CNTN5: variants seen among roughly 807,000 people sequenced by gnomAD.
CNTN5 encodes contactin 5.
In CNTN5, 77 loss-of-function variants were observed where a neutral mutation model predicts 129.1. The ratio of observed to expected loss-of-function variants is 0.60; its 90% CI spans 0.50 to 0.72. The LOEUF (loss-of-function observed/expected upper bound fraction) is 0.72. Ranked by LOEUF, CNTN5 falls within the 30% of genes least tolerant of loss-of-function variation. CNTN5 has a pLI of 0.00. For synonymous variants in CNTN5, 509 were observed against 465.6 expected (o/e 1.09, Z -1.20); for missense variants, 1,478 against 1,328.8 (o/e 1.11, Z -1.75).
chr11:99,688,592 CTTTTTA>C (rs1953898403), intron 3 of CNTN5, among the ~76,000 whole-genome samples: 1 of 151,892 alleles, frequency 6.6e-6, no homozygotes, highest in Admixed American at 6.6e-5. Flanking sequence ...TGTTTTTTAA[CTTTTTA>C]TTATTATTTT....
chr11:99,133,145 A>G (rs1307786648), intron 1 of CNTN5, among the ~76,000 whole-genome samples: 2 of 152,118 alleles, frequency 1.3e-5, no homozygotes, highest in African/African-American at 4.8e-5. Flanking sequence ...GACAGAAACA[A>G]ACAGTGAGGA....
At chr11:99,584,371 C>T (rs1237423888) in intron 3 of CNTN5, among the ~76,000 whole-genome samples, 2 of 152,180 alleles carry the variant, frequency 1.3e-5, no homozygotes, top group Non-Finnish European at 2.9e-5. Flanking sequence ...GCTTCTCATG[C>T]TGTTGGCCAC....
chr11:99,324,340 C>T (rs981422913), intron 1 of CNTN5, among the ~76,000 whole-genome samples: 2 of 152,046 alleles, frequency 1.3e-5, no homozygotes, highest in African/African-American at 4.8e-5. Flanking sequence ...ATATTCCTTA[C>T]CTTGATTATG....
At chr11:100,046,563 TTTCTCCATAG>T (rs1381255668) in intron 9 of CNTN5, among the ~76,000 whole-genome samples, 1 of 152,186 alleles carries the variant, frequency 6.6e-6, no homozygotes, top group Non-Finnish European at 1.5e-5. Flanking sequence ...GTTTTTAAGA[TTTCTCCATAG>T]TGTTCAAGGT....
intron 8 of CNTN5, among the ~76,000 whole-genome samples, chr11:100,001,201 A>T (rs10466546): frequency 5.3e-5 from 8 of 152,124 alleles, no homozygotes; most frequent in Non-Finnish European, 8.8e-5. Flanking sequence ...ACTTACAATT[A>T]TGATGGAAGG....
At chr11:99,586,632 C>T (rs552047471) in intron 3 of CNTN5, among the ~76,000 whole-genome samples, 6 of 152,200 alleles carry the variant, frequency 3.9e-5, no homozygotes, top group African/African-American at 7.2e-5. Flanking sequence ...ATTAATATTA[C>T]GACTATACTG....
At chr11:100,329,786 CA>C (rs1441015696) in intron 21 of CNTN5, among the ~76,000 whole-genome samples, 1 of 152,190 alleles carries the variant, frequency 6.6e-6, no homozygotes, top group Non-Finnish European at 1.5e-5. Context: ...GAGAACACCA[CA>C]TCAAGGGAGC....
chr11:100,156,440 C>T (rs980781675), intron 13 of CNTN5, among the ~76,000 whole-genome samples: 4 of 152,106 alleles, frequency 2.6e-5, no homozygotes, highest in African/African-American at 7.2e-5. Context: ...CGACGTTCAT[C>T]AGGGATATCG....
Position 99,901,912 on chromosome 11 carries a change from A to T in CNTN5, c.578-14142A>T, listed in dbSNP as rs1949368049. 2.0e-5 allele frequency among the ~76,000 whole-genome samples: 3 copies of T among 152,192 alleles called. No individual in the cohort carries two copies. The South Asian group carries it at 6.2e-4, about 31-fold the overall frequency. Reference sequence around the variant, plus strand: ...TAAGGTCTGTTTTTGGATAAAATGCAAGCGTTATCCCCTGACAATCATTTT... The same window carrying T: ...TAAGGTCTGTTTTTGGATAAAATGCTAGCGTTATCCCCTGACAATCATTTT... On this transcript the variant is annotated intron_variant, in intron 6 of 24. Coordinates refer to ENST00000524871, the MANE Select transcript of CNTN5 (RefSeq NM_014361.4).
At chr11:99,869,017 A>G (rs187749620) in intron 6 of CNTN5, among the ~76,000 whole-genome samples, 4 of 152,306 alleles carry the variant, frequency 2.6e-5, no homozygotes, top group Non-Finnish European at 4.4e-5. Flanking sequence ...TGTGACTGGT[A>G]ATCACCCCTA....
At chr11:99,256,383 A>G (rs1862377702) in intron 1 of CNTN5, among the ~76,000 whole-genome samples, 3 of 152,108 alleles carry the variant, frequency 2.0e-5, no homozygotes. Flanking sequence ...TGTTTGATAG[A>G]ACTGCCAAAA....
At chr11:99,566,356 G>A (rs1949005589) in intron 3 of CNTN5, among the ~76,000 whole-genome samples, 1 of 152,148 alleles carries the variant, frequency 6.6e-6, no homozygotes. Context: ...GCAGAACTGT[G>A]AGCCAATTAA....
chr11:100,144,425 C>T (rs1372181693), intron 13 of CNTN5, among the ~76,000 whole-genome samples: 1 of 152,052 alleles, frequency 6.6e-6, no homozygotes, highest in African/African-American at 2.4e-5. Context: ...ATCTTTATGT[C>T]TGTGTGTACC....
intron 3 of CNTN5, among the ~76,000 whole-genome samples, chr11:99,587,332 A>G (rs1320824348): frequency 6.6e-6 from 1 of 152,240 alleles, no homozygotes; most frequent in Admixed American, 6.5e-5. Context: ...AAGAAAGTAT[A>G]CATGTGGAGG....
intron 16 of CNTN5, among the ~76,000 whole-genome samples, chr11:100,247,258 A>C (rs1949860029): frequency 6.6e-6 from 1 of 152,208 alleles, no homozygotes; most frequent in Admixed American, 6.6e-5. Context: ...AGGAATGGGC[A>C]GAAGGATAGA....
intron 3 of CNTN5, among the ~76,000 whole-genome samples, chr11:99,791,120 T>C (rs1945726569): frequency 6.6e-6 from 1 of 152,058 alleles, no homozygotes; most frequent in Non-Finnish European, 1.5e-5. Context: ...TAGTTTTTTT[T>C]TTTCCTGTGT....
chr11:99,425,873 C>T (rs1304852875), intron 2 of CNTN5, among the ~76,000 whole-genome samples: 1 of 152,246 alleles, frequency 6.6e-6, no homozygotes, highest in African/African-American at 2.4e-5. Context: ...CCACTGCAGC[C>T]AGTGTCTTCA....
At chr11:100,179,380 T>C (rs1010413433) in intron 13 of CNTN5, among the ~76,000 whole-genome samples, 13 of 152,132 alleles carry the variant, frequency 8.5e-5, no homozygotes, top group Admixed American at 2.0e-4. Context: ...AGAAAACTTC[T>C]ATGGAATAAA....
chr11:99,954,193 A>G (rs958746322), intron 7 of CNTN5, among the ~76,000 whole-genome samples: 2 of 152,194 alleles, frequency 1.3e-5, no homozygotes, highest in Admixed American at 6.5e-5. Context: ...AAAAAAATTG[A>G]TCCTAAGTAG....
Sources: allele counts gnomAD v4.1 joint callset (sites outside exome capture counted in the v4.1 genomes callset), GRCh38; gene constraint gnomAD v4.1.1; transcripts MANE v1.5; gene names NCBI Gene and HGNC (gene_info 2026-07-23, HGNC 2026-07-21).